KLF12: variants seen among roughly 807,000 people sequenced by gnomAD.
KLF12 encodes Krueppel-like factor 12.
KLF12 carries 9 observed loss-of-function variants against 37.8 expected under a neutral mutation model. That is an observed-to-expected ratio of 0.24 (90% CI 0.14 to 0.42). KLF12 has a LOEUF of 0.42. Among genes scored for constraint, KLF12 ranks in the 10% least tolerant of loss-of-function variants. KLF12 has a pLI of 1.00. For synonymous variants in KLF12, 208 were observed against 202.1 expected, an observed-to-expected ratio of 1.03 and a Z score of -0.25; for missense variants, 411 against 516.0, an observed-to-expected ratio of 0.80 and a Z score of 1.97.
At chr13:73,871,790 C>T (rs1886478685) in intron 3 of KLF12, among the ~76,000 whole-genome samples, 2 of 152,190 alleles carry the variant, frequency 1.3e-5, no homozygotes, top group African/African-American at 4.8e-5. Context: ...TCCAGAATCC[C>T]ATAATACATT....
intron 1 of KLF12, among the ~76,000 whole-genome samples, chr13:74,089,896 T>C (rs752212879): frequency 6.6e-6 from 1 of 150,836 alleles, no homozygotes; most frequent in East Asian, 1.9e-4. Context: ...AAAATACTCA[T>C]GTCTGCTCTC....
chr13:73,711,963 A>G (rs964146174), intron 7 of KLF12, among the ~76,000 whole-genome samples: 2 of 152,174 alleles, frequency 1.3e-5, no homozygotes, highest in African/African-American at 4.8e-5. Context: ...AGTTCATTCA[A>G]TCCTCATCGA....
At position 73,818,232 on chromosome 13, in the gene KLF12, G is replaced by A. The variant is rs115463696; in HGVS notation, c.671-4945C>T. ...GCGATCTCGGCTCACTGCAACCTCCGCCTCCCAGATTTAAGTAATTCTCCT... is the reference window on the plus strand; with the variant it reads ...GCGATCTCGGCTCACTGCAACCTCCACCTCCCAGATTTAAGTAATTCTCCT... On this transcript the variant is annotated intron_variant, in intron 4 of 7. Transcript: ENST00000377669. Among the ~76,000 whole-genome samples, 1,421 of 152,276 alleles carry A rather than the reference G, an allele frequency of 9.3e-3. 23 individuals carry two copies. The highest frequency in any genetic ancestry group is 0.033 in the African/African-American group (1,375 of 41,546).
the KLF12 span, among the ~76,000 whole-genome samples, chr13:74,191,409 TGA>T: frequency 6.6e-6 from 1 of 152,218 alleles, no homozygotes; most frequent in Non-Finnish European, 1.5e-5. Context: ...TTTATTTTGT[TGA>T]GTTATATTTA....
chr13:74,148,403 C>CTTTTTTTTTTTTTTTTTTT, the KLF12 span, among the ~76,000 whole-genome samples: 3 of 73,494 alleles, frequency 4.1e-5, no homozygotes, highest in African/African-American at 5.4e-5. Context: ...CAAAACTGCT[C>CTTTTTTTTTTTTTTTTTTT]TTTTTTTTTT....
At position 73,806,622 on chromosome 13, in the gene KLF12, T is replaced by C. The variant is rs116987213; in HGVS notation, c.806+6530A>G. Among the ~76,000 whole-genome samples the C allele has an allele frequency of 4.0e-4, 60 of 149,254 alleles. 3 individuals carry two copies. In the East Asian group the frequency reaches 0.01, roughly 25 times the overall value. Reference sequence around the variant, plus strand: ...GGTTTGCAGTCAGACAACCTTGGGATTGAATATGAACTTGCAAAAAAACAA... The same window carrying C: ...GGTTTGCAGTCAGACAACCTTGGGACTGAATATGAACTTGCAAAAAAACAA... On this transcript the variant is annotated intron_variant, in intron 5 of 7. Transcript: ENST00000377669.
chr13:74,192,196 C>T, the KLF12 span, among the ~76,000 whole-genome samples: 2 of 152,004 alleles, frequency 1.3e-5, no homozygotes, highest in South Asian at 2.1e-4. Context: ...TAACAACTTA[C>T]TAATACTAGA....
At chr13:73,789,322 T>C (rs1266834939) in intron 5 of KLF12, among the ~76,000 whole-genome samples, 1 of 152,208 alleles carries the variant, frequency 6.6e-6, no homozygotes, top group African/African-American at 2.4e-5. Context: ...GAGGCATTAA[T>C]TGCTACATCT....
intron 1 of KLF12, among the ~76,000 whole-genome samples, chr13:73,999,082 T>G (rs781020415): frequency 1.9e-4 from 29 of 152,176 alleles, no homozygotes; most frequent in Non-Finnish European, 2.9e-4. Flanking sequence ...AGTTAGCAAA[T>G]CATGGCTATA....
chr13:73,850,033 T>G (rs943593006), intron 3 of KLF12, among the ~76,000 whole-genome samples: 5 of 152,138 alleles, frequency 3.3e-5, no homozygotes, highest in Admixed American at 3.3e-4. Flanking sequence ...CTTGAAAAGG[T>G]ACACTGTAAA....
chr13:74,203,742 G>A, the KLF12 span, among the ~76,000 whole-genome samples: 4 of 152,198 alleles, frequency 2.6e-5, no homozygotes, highest in Admixed American at 1.3e-4. Context: ...GGGAAACACA[G>A]CTGCCAAGGA....
chr13:74,281,411 A>G, the KLF12 span, among the ~76,000 whole-genome samples: 13 of 152,326 alleles, frequency 8.5e-5, no homozygotes, highest in African/African-American at 2.9e-4. Context: ...TTTTGGTGTG[A>G]TAAGTGTGGA....
chr13:73,854,506 A>G (rs1781058957), intron 3 of KLF12, among the ~76,000 whole-genome samples: 1 of 152,238 alleles, frequency 6.6e-6, no homozygotes, highest in African/African-American at 2.4e-5. Context: ...ACTCCTACAC[A>G]GGATAAACAT....
intron 1 of KLF12, among the ~76,000 whole-genome samples, chr13:74,068,720 C>T (rs1874060550): frequency 6.6e-6 from 1 of 152,006 alleles, no homozygotes; most frequent in South Asian, 2.1e-4. Flanking sequence ...TAACACTCAG[C>T]TAATTTTCGT....
intron 3 of KLF12, among the ~76,000 whole-genome samples, chr13:73,938,173 T>C (rs1890031816): frequency 6.6e-6 from 1 of 152,212 alleles, no homozygotes; most frequent in Non-Finnish European, 1.5e-5. Context: ...TTTTTAATAA[T>C]GCCCTTTTTT....
intron 3 of KLF12, among the ~76,000 whole-genome samples, chr13:73,938,302 T>C (rs1890037376): frequency 6.6e-6 from 1 of 152,232 alleles, no homozygotes; most frequent in South Asian, 2.1e-4. Flanking sequence ...AGGCTAATTG[T>C]TGGGTTTTTT....
At chr13:74,298,080 T>C in the KLF12 span, among the ~76,000 whole-genome samples, 6 of 152,236 alleles carry the variant, frequency 3.9e-5, no homozygotes, top group East Asian at 3.9e-4. Context: ...AAATGAAATA[T>C]ATTCTGCTAT....
At chr13:74,254,736 A>G in the KLF12 span, among the ~76,000 whole-genome samples, 14 of 152,058 alleles carry the variant, frequency 9.2e-5, no homozygotes, top group Admixed American at 9.2e-4. Flanking sequence ...AAATACATAT[A>G]TGGTCTAAAT....
chr13:74,054,317 T>C lies in KLF12; in HGVS notation c.-31-59264A>G, dbSNP rs1593861208. Among the ~76,000 whole-genome samples, 3 of 152,284 alleles carry C rather than the reference T, an allele frequency of 2.0e-5. No individual in the cohort carries two copies. The South Asian group carries it at 6.2e-4, about 32-fold the overall frequency. On this transcript the variant is annotated intron_variant, in intron 1 of 7. Coordinates refer to ENST00000377669, the MANE Select transcript of KLF12 (RefSeq NM_007249.5). Reference sequence around the variant, plus strand: ...TCAGATGCTTTGGCCAAAAATTTGGTATCATTTATACATGATACAGAATAT... The same window carrying C: ...TCAGATGCTTTGGCCAAAAATTTGGCATCATTTATACATGATACAGAATAT...
Sources: allele counts gnomAD v4.1 joint callset (sites outside exome capture counted in the v4.1 genomes callset), GRCh38; gene constraint gnomAD v4.1.1; transcripts MANE v1.5; gene names NCBI Gene and HGNC (gene_info 2026-07-23, HGNC 2026-07-21).